AAK1: variants seen among roughly 807,000 people sequenced by gnomAD.
The protein encoded by AAK1 is AP2-associated protein kinase 1.
AAK1 carries 37 observed loss-of-function variants against 116.0 expected under a neutral mutation model. The observed-to-expected ratio is 0.32, with a 90% CI of 0.25 to 0.42. The LOEUF (loss-of-function observed/expected upper bound fraction) is 0.42. Ranked by LOEUF, AAK1 falls within the 10% of genes least tolerant of loss-of-function variation. AAK1 has a pLI of 1.00. For missense variants in AAK1, 919 were observed against 1,170.6 expected (o/e 0.79, Z 3.14); for synonymous variants, 458 against 439.9 (o/e 1.04, Z -0.51).
rs1202531771 is a variant in AAK1 at position 69,474,809 on chromosome 2, T to C, written c.*1060A>G. 2 of 985,592 alleles carry C rather than the reference T, an allele frequency of 2.0e-6. No individual in the cohort carries two copies. The highest frequency in any genetic ancestry group is 1.7e-5 in the African/African-American group (1 of 57,174). The allele number at this position is 985,592 out of a possible 1,614,324, so 61.1% of individuals were successfully genotyped here. ...TGTGTAGTTATACAAGGGAAAGAAATCAAAACCCTGTACAGACACCTGATA... is the reference window on the plus strand; with the variant it reads ...TGTGTAGTTATACAAGGGAAAGAAACCAAAACCCTGTACAGACACCTGATA... On this transcript the variant is annotated 3_prime_UTR_variant, in exon 22 of 22. Coordinates refer to ENST00000409085, the MANE Select transcript of AAK1 (RefSeq NM_014911.5).
chr2:69,625,487 G>A (rs752747569), intron 2 of AAK1, among the ~76,000 whole-genome samples: 13 of 152,154 alleles, frequency 8.5e-5, no homozygotes, highest in Non-Finnish European at 1.5e-4. Context: ...AAAAATTAAC[G>A]AACCATAAGA....
At chr2:69,590,239 T>G (rs1015643253) in intron 2 of AAK1, among the ~76,000 whole-genome samples, 3 of 152,160 alleles carry the variant, frequency 2.0e-5, no homozygotes, top group Non-Finnish European at 4.4e-5. Context: ...ATATCAGAAA[T>G]GTGAAAAAGA....
intron 16 of AAK1, among the ~76,000 whole-genome samples, chr2:69,504,900 T>A (rs773662560): frequency 1.3e-5 from 2 of 152,224 alleles, no homozygotes; most frequent in African/African-American, 4.8e-5. Flanking sequence ...CTAGACTATC[T>A]CTTGGTCGTG....
chr2:69,486,810 G>A (rs1299307081), intron 17 of AAK1, among the ~76,000 whole-genome samples: 4 of 152,174 alleles, frequency 2.6e-5, no homozygotes, highest in Non-Finnish European at 5.9e-5. Flanking sequence ...GGTAGAGCCT[G>A]GACTTGTCTC....
chr2:69,522,864 G>A (rs1299153357), intron 10 of AAK1, among the ~76,000 whole-genome samples: 1 of 151,984 alleles, frequency 6.6e-6, no homozygotes, highest in Non-Finnish European at 1.5e-5. Flanking sequence ...GCAGGCTTCT[G>A]TAGAAACCCA....
In AAK1 at chr2:69,636,781, C is replaced by A. The variant is rs561320065; in HGVS notation, c.163+6097G>T. 1.3e-4 allele frequency among the ~76,000 whole-genome samples: 20 copies of A among 151,736 alleles called. No individual in the cohort carries two copies. The East Asian group carries it at 3.7e-3, about 28-fold the overall frequency. ...GTGGCAGGATCTTGGCTCACTGCAA[C>A]CTCTGCCTCCCGGATTCAAGCGATT... On this transcript the variant is annotated intron_variant, in intron 2 of 21. Coordinates refer to ENST00000409085, the MANE Select transcript of AAK1 (RefSeq NM_014911.5).
chr2:69,481,098 C>T (rs972992598), intron 18 of AAK1, 137 bp from the exon 19 acceptor site: 4 of 719,320 alleles, frequency 5.6e-6, no homozygotes, highest in African/African-American at 5.4e-5. Flanking sequence ...TGAGCTCAAG[C>T]GATCTATCCC....
intron 2 of AAK1, among the ~76,000 whole-genome samples, chr2:69,605,063 C>G (rs1279565152): frequency 1.3e-5 from 2 of 152,156 alleles, no homozygotes; most frequent in Non-Finnish European, 2.9e-5. Context: ...CTCACCCGGG[C>G]TTTTACAGAG....
At chr2:69,579,451 T>C (rs1453419782) in intron 2 of AAK1, among the ~76,000 whole-genome samples, 1 of 152,070 alleles carries the variant, frequency 6.6e-6, no homozygotes, top group East Asian at 1.9e-4. Context: ...TGGTGGTGCA[T>C]GCCTAGAGAC....
intron 17 of AAK1, among the ~76,000 whole-genome samples, chr2:69,485,667 T>C (rs1675268610): frequency 6.6e-6 from 1 of 151,992 alleles, no homozygotes; most frequent in African/African-American, 2.4e-5. Context: ...CTCTTTTTTT[T>C]TTTTTTCTGA....
At chr2:69,601,736 T>C (rs980396429) in intron 2 of AAK1, among the ~76,000 whole-genome samples, 4 of 152,220 alleles carry the variant, frequency 2.6e-5, no homozygotes, top group Non-Finnish European at 4.4e-5. Flanking sequence ...CTTGGCTTCA[T>C]TTTAGCTCCA....
chr2:69,509,062 T>C (rs934405660), intron 14 of AAK1, among the ~76,000 whole-genome samples, 169 bp downstream of exon 14: 3 of 152,236 alleles, frequency 2.0e-5, no homozygotes, highest in East Asian at 1.9e-4. Flanking sequence ...ACATGCAAGA[T>C]GAAATGAGCC....
chr2:69,571,612 G>A (rs578102615), intron 2 of AAK1, among the ~76,000 whole-genome samples: 1 of 152,102 alleles, frequency 6.6e-6, no homozygotes, highest in Non-Finnish European at 1.5e-5. Context: ...AACAATTACA[G>A]GCTTTAATAG....
Position 69,472,471 on chromosome 2 carries a change from C to A in AAK1, c.*3398G>T. The A allele has an allele frequency of 4.6e-6, 2 of 438,866 alleles. No homozygotes were observed. Among genetic ancestry groups the A allele is most frequent in the Non-Finnish European group, 6.0e-6 (2 of 330,820 alleles). 27.2% of individuals were successfully genotyped at this position (438,866 alleles called of 1,614,324 possible). On this transcript the variant is annotated 3_prime_UTR_variant, in exon 22 of 22. Coordinates refer to ENST00000409085, the MANE Select transcript of AAK1 (RefSeq NM_014911.5). ...GCAGCATCATTAGAATAAGTATTAA[C>A]TTCTTAAGTAAAACTAGATGACATT...
intron 2 of AAK1, among the ~76,000 whole-genome samples, chr2:69,619,618 G>C (rs1432191411): frequency 5.3e-5 from 8 of 152,132 alleles, no homozygotes; most frequent in Admixed American, 4.6e-4. Flanking sequence ...CCAAAGCAGG[G>C]AAGAGGGAGG....
intron 3 of AAK1, 38 bp from the exon 4 acceptor site, chr2:69,544,582 G>T: frequency 6.9e-7 from 1 of 1,452,264 alleles, no homozygotes; most frequent in Non-Finnish European, 9.7e-7. Context: ...GTTAGTTTCA[G>T]ATGCCAATAG....
At chr2:69,498,132 G>C (rs1675824244) in intron 16 of AAK1, among the ~76,000 whole-genome samples, 1 of 151,646 alleles carries the variant, frequency 6.6e-6, no homozygotes, top group Non-Finnish European at 1.5e-5. Context: ...GAGTGGTGCT[G>C]GGTTGAATTT....
chr2:69,484,569 G>A (rs1057493005), intron 17 of AAK1, among the ~76,000 whole-genome samples: 1 of 152,188 alleles, frequency 6.6e-6, no homozygotes, highest in Non-Finnish European at 1.5e-5. Context: ...GAGGTGGGTG[G>A]ATCACCTGAG....
At chr2:69,516,742 C>G (rs558500828) in intron 12 of AAK1, 1 of 152,170 alleles carries the variant, frequency 6.6e-6, no homozygotes, top group Non-Finnish European at 1.5e-5. Flanking sequence ...TTTTTTAAAA[C>G]TGCAATATGC....
Sources: gnomAD v4.1 joint callset for allele counts (sites outside exome capture counted in the v4.1 genomes callset) on GRCh38, gnomAD v4.1.1 for gene constraint, MANE v1.5 for transcripts, NCBI Gene and HGNC (gene_info 2026-07-23, HGNC 2026-07-21) for gene names.